NANS: variants seen among roughly 807,000 people sequenced by gnomAD.
NANS encodes the protein N-acetylneuraminate-9-phosphate synthase.
In NANS, 29 loss-of-function variants were observed where a neutral mutation model predicts 33.3. The observed-to-expected ratio is 0.87, with a 90% CI of 0.65 to 1.19. The LOEUF (loss-of-function observed/expected upper bound fraction) is 1.19, where lower values mean the gene tolerates loss of function less well. Among genes scored for constraint, NANS ranks in the 50% most tolerant of loss-of-function variants. The pLI, the probability that NANS is intolerant of heterozygous loss-of-function variation, is 0.00. For missense variants in NANS, 394 were observed against 461.1 expected, an observed-to-expected ratio of 0.85 and a Z score of 1.33; for synonymous variants, 163 against 177.2, an observed-to-expected ratio of 0.92 and a Z score of 0.64.
rs1015148629 is a variant in NANS, at chr9:98,061,057, C to G, written c.348+60C>G. Reference sequence around the variant, plus strand: ...AGCAGACCAAGGGTCAGCAGGCAGCCTGGTGACTTCCGGCTTAGGGCCACC... The same window carrying G: ...AGCAGACCAAGGGTCAGCAGGCAGCGTGGTGACTTCCGGCTTAGGGCCACC... On this transcript the variant is annotated intron_variant, in intron 2 of 5. Transcript: ENST00000210444. The G allele has an allele frequency of 6.4e-6, 10 of 1,556,006 alleles. No homozygotes were observed. In the Admixed American group the frequency reaches 6.7e-5, roughly 10 times the overall value.
intron 3 of NANS, among the ~76,000 whole-genome samples, chr9:98,077,364 C>T (rs1197738740): frequency 1.3e-5 from 2 of 150,410 alleles, no homozygotes; most frequent in East Asian, 3.9e-4. Context: ...TTTAGAAATT[C>T]TTTTTAAGAA....
chr9:98,076,380 C>CTT (rs200078832), intron 2 of NANS: 65 of 146,302 alleles, frequency 4.4e-4, no homozygotes, highest in Middle Eastern at 3.5e-3. Context: ...TTTCCAGATT[C>CTT]TTTTTTTTTT....
intron 2 of NANS, among the ~76,000 whole-genome samples, chr9:98,064,876 C>CA (rs1829090020): frequency 6.6e-6 from 1 of 152,198 alleles, no homozygotes; most frequent in Non-Finnish European, 1.5e-5. Flanking sequence ...CAGTTCAAGA[C>CA]TGAAGTTGGC....
chr9:98,060,997 G>A lies in NANS; in HGVS notation c.348G>A (p.Glu116=). 1 of 1,613,366 alleles carries A rather than the reference G, an allele frequency of 6.2e-7. No individual in the cohort carries two copies. The highest frequency in any genetic ancestry group is 1.3e-5 in the African/African-American group (1 of 75,012). ...GIFFTASGMD[E]MAVEFLHELN... ...TCTTCACTGCCTCTGGCATGGATGA[G>A]GTGAGTCCTCTGCTGCTCTGTCATT... Residue 116 remains glutamate, a splice_region_variant and synonymous_variant, in exon 2 of 6, where the codon GAG becomes GAA. Coordinates refer to ENST00000210444, the MANE Select transcript of NANS (RefSeq NM_018946.4).
At chr9:98,060,352 T>C (rs1399318217) in intron 1 of NANS, among the ~76,000 whole-genome samples, 1 of 152,212 alleles carries the variant, frequency 6.6e-6, no homozygotes, top group East Asian at 1.9e-4. Flanking sequence ...TTAAGGTCTC[T>C]GTCAGTCTAT....
Position 98,056,921 on chromosome 9 carries a change from G to T in NANS, c.113G>T (p.Arg38Leu), listed in dbSNP as rs768320257. ...CAGGGCGACCTGGACGTAGCCAAGC[G>T]CATGATCCGCATGGCCAAGGTGAGG... is the stretch of plus-strand genomic sequence containing the variant. ...NHQGDLDVAK[R>L]MIRMAKECGA... Residue 38 changes from arginine (R) to leucine (L), a missense_variant, in exon 1 of 6, where the codon CGC becomes CTC. Arg to Leu is a moderately radical substitution (Grantham distance 102). Transcript: ENST00000210444. 3.1e-6 allele frequency: 5 copies of T among 1,603,818 alleles called. No individual in the cohort carries two copies. The highest frequency in any genetic ancestry group is 2.7e-5 in the African/African-American group (2 of 73,334).
At position 98,081,193 on chromosome 9, in the gene NANS, A is replaced by G; in HGVS notation, c.870+111A>G. 3.5e-6 allele frequency: 5 copies of G among 1,440,928 alleles called. 1 individual carries two copies. The South Asian group carries it at 6.5e-5, about 19-fold the overall frequency. The allele number at this position is 1,440,928 out of a possible 1,614,324, so 89.3% of individuals were successfully genotyped here. A position where few individuals can be genotyped will look rare whatever the true frequency, so the allele number is the denominator to read the frequency against. On this transcript the variant is annotated intron_variant, in intron 5 of 5. Transcript: ENST00000210444. Reference sequence around the variant, plus strand: ...CTCCCTGAGCCAGGCTGATGAAATGATCAGTGAATGTGCTCCCACCCGTGT... The same window carrying G: ...CTCCCTGAGCCAGGCTGATGAAATGGTCAGTGAATGTGCTCCCACCCGTGT...
At chr9:98,069,628 G>A (rs892665201) in intron 2 of NANS, 1 of 152,290 alleles carries the variant, frequency 6.6e-6, no homozygotes, top group African/African-American at 2.4e-5. Flanking sequence ...AAATGATGCT[G>A]AGTGAGAAAG....
chr9:98,081,286 G>A, intron 5 of NANS: 1 of 667,570 alleles, frequency 1.5e-6, no homozygotes, highest in Non-Finnish European at 2.5e-6. Flanking sequence ...GGAGACACAT[G>A]TTATCTAACT....
chr9:98,057,951 G>T (rs1828877733), intron 1 of NANS, among the ~76,000 whole-genome samples: 1 of 126,984 alleles, frequency 7.9e-6, no homozygotes, highest in Non-Finnish European at 1.6e-5. Context: ...TTGAGACAGG[G>T]TCTCTGTATC....
chr9:98,078,003 C>G (rs1441215231), intron 3 of NANS, 190 bp from the exon 4 acceptor site: 5 of 715,696 alleles, frequency 7.0e-6, no homozygotes, highest in Non-Finnish European at 1.1e-5. Context: ...CAGAGGGGAG[C>G]CCACCTTTCC....
intron 4 of NANS, 67 bp from the exon 5 acceptor site, chr9:98,080,749 C>T (rs1339739678): frequency 4.4e-5 from 67 of 1,509,400 alleles, no homozygotes; most frequent in Non-Finnish European, 5.9e-5. Context: ...ACCAGATACG[C>T]TTCACCTGGA....
intron 5 of NANS, chr9:98,081,329 TAG>T: frequency 1.8e-6 from 1 of 540,722 alleles, no homozygotes; most frequent in Non-Finnish European, 3.3e-6. Context: ...AGGGTCACAT[TAG>T]AGTCTTCCAC....
chr9:98,075,748 A>G (rs1025369720), intron 2 of NANS: 4 of 152,180 alleles, frequency 2.6e-5, no homozygotes, highest in South Asian at 2.1e-4. Flanking sequence ...GTGTATGTTT[A>G]TTACTCTTGT....
intron 5 of NANS, chr9:98,081,359 T>C (rs1403845295): frequency 1.1e-5 from 5 of 468,892 alleles, no homozygotes; most frequent in Non-Finnish European, 1.9e-5. Context: ...CTGAAGCCCA[T>C]GGCCCCAGTA....
intron 2 of NANS, among the ~76,000 whole-genome samples, chr9:98,073,744 C>A (rs1829458893): frequency 6.6e-6 from 1 of 152,046 alleles, no homozygotes; most frequent in African/African-American, 2.4e-5. Context: ...AAATGGGGTT[C>A]TGTGGGCACG....
At chr9:98,076,870 G>C in intron 2 of NANS, 48 bp from the exon 3 acceptor site, 1 of 1,465,874 alleles carries the variant, frequency 6.8e-7, no homozygotes, top group Non-Finnish European at 9.5e-7. Flanking sequence ...CATAACAACA[G>C]TGTTTTTGGA....
At position 98,078,233 on chromosome 9, in the gene NANS, C is replaced by T. The variant is rs1829680585; in HGVS notation, c.489C>T (p.Asp163=). 6.2e-7 allele frequency: 1 copy of T among 1,614,028 alleles called. No homozygotes were observed. Among genetic ancestry groups the T allele is most frequent in the Non-Finnish European group, 8.5e-7 (1 of 1,180,038 alleles). ...MVISSGMQSM[D]TMKQVYQIVK... ...TCTCCAGTGGGATGCAGTCAATGGA[C>T]ACCATGAAGCAAGTTTATCAGATCG... Residue 163 remains aspartate, a synonymous_variant, in exon 4 of 6, where the codon GAC becomes GAT. Transcript: ENST00000210444.
At chr9:98,073,271 C>CTTTTTTTTTTTTT (rs10606237) in intron 2 of NANS, among the ~76,000 whole-genome samples, 3 of 57,826 alleles carry the variant, frequency 5.2e-5, no homozygotes, top group Non-Finnish European at 8.9e-5. Flanking sequence ...TCACCATGGG[C>CTTTTTTTTTTTTT]TTTTTTTTTT....
Sources: allele counts gnomAD v4.1 joint callset (sites outside exome capture counted in the v4.1 genomes callset), GRCh38; gene constraint gnomAD v4.1.1; transcripts MANE v1.5; gene names NCBI Gene and HGNC (gene_info 2026-07-23, HGNC 2026-07-21).